CSMD1: variants seen among roughly 807,000 people sequenced by gnomAD.
CSMD1 encodes CUB and Sushi multiple domains 1, also known as CUB and sushi domain-containing protein 1.
Under a neutral mutation model 417.5 loss-of-function variants are expected in CSMD1, and 213 were observed. The ratio of observed to expected loss-of-function variants is 0.51; its 90% CI spans 0.46 to 0.57. The LOEUF (loss-of-function observed/expected upper bound fraction) is 0.57, where lower values mean the gene tolerates loss of function less well. Ranked by LOEUF, CSMD1 falls within the 20% of genes least tolerant of loss-of-function variation. The pLI is 0.00. For synonymous variants in CSMD1, 2,862 were observed against 1,736.8 expected, an observed-to-expected ratio of 1.65 and a Z score of -16.11; for missense variants, 6,923 against 4,529.7, an observed-to-expected ratio of 1.53 and a Z score of -15.17.
intron 2 of CSMD1, among the ~76,000 whole-genome samples, chr8:4,472,616 T>G (rs1800598052): frequency 6.6e-6 from 1 of 152,092 alleles, no homozygotes; most frequent in South Asian, 2.1e-4. Flanking sequence ...AACAAGATAT[T>G]CTGCAAACAA....
chr8:3,189,358 C>T (rs1385229819), intron 34 of CSMD1, among the ~76,000 whole-genome samples: 1 of 152,174 alleles, frequency 6.6e-6, no homozygotes, highest in African/African-American at 2.4e-5. Context: ...TTCTCTTCTC[C>T]ATGCAGACAT....
intron 7 of CSMD1, among the ~76,000 whole-genome samples, chr8:3,645,495 T>C (rs571686831): frequency 2.0e-5 from 3 of 151,572 alleles, no homozygotes; most frequent in Non-Finnish European, 4.4e-5. Context: ...GTGGAAGAAA[T>C]GGGGAAGGGG....
At chr8:4,365,903 C>G (rs1048815262) in intron 3 of CSMD1, among the ~76,000 whole-genome samples, 4 of 152,126 alleles carry the variant, frequency 2.6e-5, no homozygotes, top group African/African-American at 9.7e-5. Context: ...AATATTTCAT[C>G]TTTAAAGTTT....
intron 4 of CSMD1, among the ~76,000 whole-genome samples, chr8:4,023,630 A>T (rs973142952): frequency 1.4e-5 from 2 of 144,490 alleles, no homozygotes; most frequent in Non-Finnish European, 3.0e-5. Context: ...TCTGTCGCCC[A>T]GGCTAGAGTG....
At chr8:4,698,251 G>C (rs780193388) in intron 1 of CSMD1, among the ~76,000 whole-genome samples, 1 of 150,844 alleles carries the variant, frequency 6.6e-6, no homozygotes, top group Non-Finnish European at 1.5e-5. Flanking sequence ...AAACATTTTA[G>C]TCAACATGAA....
intron 55 of CSMD1, among the ~76,000 whole-genome samples, chr8:2,977,473 G>A (rs1805025317): frequency 6.6e-6 from 1 of 152,188 alleles, no homozygotes; most frequent in Admixed American, 6.5e-5. Context: ...CGGTGTGTAT[G>A]TACCACGTTT....
At chr8:3,900,434 G>C (rs1807664351) in intron 5 of CSMD1, among the ~76,000 whole-genome samples, 1 of 151,606 alleles carries the variant, frequency 6.6e-6, no homozygotes, top group South Asian at 2.1e-4. Context: ...AGTGTAGCTG[G>C]GTGACAGCAC....
intron 11 of CSMD1, among the ~76,000 whole-genome samples, chr8:3,482,600 C>G (rs1200106561): frequency 1.3e-5 from 2 of 152,266 alleles, no homozygotes; most frequent in South Asian, 4.1e-4. Context: ...AGCAAACAGG[C>G]AGAAAATATC....
intron 4 of CSMD1, among the ~76,000 whole-genome samples, chr8:4,030,970 G>C (rs531746772): frequency 6.6e-6 from 1 of 152,022 alleles, no homozygotes; most frequent in Non-Finnish European, 1.5e-5. Context: ...ATCACCTTTG[G>C]TCCAGTTATG....
intron 7 of CSMD1, among the ~76,000 whole-genome samples, chr8:3,696,211 C>T (rs144579389): frequency 1.3e-5 from 2 of 152,272 alleles, no homozygotes; most frequent in African/African-American, 4.8e-5. Context: ...TTCAAACAGA[C>T]AGTTCAAACC....
At chr8:4,095,786 T>G (rs539413013) in intron 3 of CSMD1, among the ~76,000 whole-genome samples, 7 of 152,358 alleles carry the variant, frequency 4.6e-5, no homozygotes, top group African/African-American at 1.7e-4. Context: ...GTTCTAAGGT[T>G]TTATATATGT....
At chr8:3,689,210 A>G (rs1800105981) in intron 7 of CSMD1, among the ~76,000 whole-genome samples, 1 of 152,176 alleles carries the variant, frequency 6.6e-6, no homozygotes, top group African/African-American at 2.4e-5. Context: ...AAGTTCCTAC[A>G]CACCTCCCCA....
intron 4 of CSMD1, among the ~76,000 whole-genome samples, chr8:4,019,264 G>A (rs908145886): frequency 6.6e-6 from 1 of 152,198 alleles, no homozygotes; most frequent in Non-Finnish European, 1.5e-5. Context: ...TACAGACTAA[G>A]AGTTTTTAAA....
At chr8:3,258,633 C>A (rs747789935) in intron 26 of CSMD1, among the ~76,000 whole-genome samples, 4 of 152,200 alleles carry the variant, frequency 2.6e-5, no homozygotes, top group Non-Finnish European at 4.4e-5. Flanking sequence ...TATAAAGACA[C>A]ATGCATGCAT....
At chr8:4,937,827 T>C (rs1446398949) in intron 1 of CSMD1, among the ~76,000 whole-genome samples, 1 of 152,134 alleles carries the variant, frequency 6.6e-6, no homozygotes, top group Non-Finnish European at 1.5e-5. Flanking sequence ...GTCAGAATTT[T>C]AATCACACAG....
intron 1 of CSMD1, among the ~76,000 whole-genome samples, chr8:4,898,957 A>T (rs1399442492): frequency 2.6e-5 from 4 of 152,202 alleles, no homozygotes; most frequent in African/African-American, 7.2e-5. Context: ...ACAGTTATAA[A>T]ATTATTTTTA....
intron 5 of CSMD1, among the ~76,000 whole-genome samples, chr8:3,928,262 A>G (rs1201611892): frequency 6.6e-6 from 1 of 152,242 alleles, no homozygotes; most frequent in African/African-American, 2.4e-5. Flanking sequence ...TCATAATTAC[A>G]TATGCTGTGA....
At chr8:4,643,572 G>C (rs1290252545) in intron 1 of CSMD1, among the ~76,000 whole-genome samples, 2 of 152,120 alleles carry the variant, frequency 1.3e-5, no homozygotes, top group Non-Finnish European at 2.9e-5. Context: ...GCGATTTTCA[G>C]TGAATTTTTT....
chr8:4,914,916 G>C (rs114001300), intron 1 of CSMD1, among the ~76,000 whole-genome samples: 1 of 152,216 alleles, frequency 6.6e-6, no homozygotes, highest in Admixed American at 6.5e-5. Context: ...ACAGAAAACA[G>C]GAACAGAACA....
Sources: allele counts gnomAD v4.1 joint callset (sites outside exome capture counted in the v4.1 genomes callset), GRCh38; gene constraint gnomAD v4.1.1; transcripts MANE v1.5; gene names NCBI Gene and HGNC (gene_info 2026-07-23, HGNC 2026-07-21).